Variants in LRMDA observed in about 807,000 individuals in gnomAD.
LRMDA encodes leucine-rich melanocyte differentiation-associated protein.
In LRMDA, 18 loss-of-function variants were observed where a neutral mutation model predicts 29.8. The ratio of observed to expected loss-of-function variants is 0.60; its 90% CI spans 0.42 to 0.90. The LOEUF (loss-of-function observed/expected upper bound fraction) is 0.90, where lower values mean the gene tolerates loss of function less well. Ranked by LOEUF, LRMDA falls within the 40% of genes least tolerant of loss-of-function variation. The pLI is 0.00. For synonymous variants in LRMDA, 125 were observed against 109.4 expected, an observed-to-expected ratio of 1.14 and a Z score of -0.89; for missense variants, 273 against 273.9, an observed-to-expected ratio of 1.00 and a Z score of 0.02.
chr10:75,991,582 G>A (rs1026186136), intron 2 of LRMDA, among the ~76,000 whole-genome samples: 1 of 152,200 alleles, frequency 6.6e-6, no homozygotes, highest in East Asian at 1.9e-4. Context: ...GCTATATAGT[G>A]GTGGCTTCTA....
chr10:76,474,265 A>G (rs928779143), intron 6 of LRMDA, among the ~76,000 whole-genome samples: 2 of 151,704 alleles, frequency 1.3e-5, no homozygotes, highest in Admixed American at 1.3e-4. Flanking sequence ...CACTAAAAGC[A>G]TAAAACTCTT....
chr10:75,908,115 T>A (rs1316487288), intron 2 of LRMDA, among the ~76,000 whole-genome samples: 2 of 152,194 alleles, frequency 1.3e-5, no homozygotes, highest in Non-Finnish European at 2.9e-5. Context: ...TAGCCTTTAT[T>A]GTAGGGTCCT....
chr10:76,532,549 G>T (rs1311886815), intron 6 of LRMDA, among the ~76,000 whole-genome samples: 1 of 152,202 alleles, frequency 6.6e-6, no homozygotes, highest in African/African-American at 2.4e-5. Context: ...GCAATCAAAT[G>T]CTTGACTGTG....
At chr10:76,457,799 T>C (rs544964577) in intron 6 of LRMDA, among the ~76,000 whole-genome samples, 3 of 152,318 alleles carry the variant, frequency 2.0e-5, no homozygotes, top group African/African-American at 7.2e-5. Flanking sequence ...GGAACCTAAC[T>C]CTGTATCTTC....
chr10:76,482,176 T>C (rs1842739034), intron 6 of LRMDA, among the ~76,000 whole-genome samples: 1 of 152,014 alleles, frequency 6.6e-6, no homozygotes, highest in Non-Finnish European at 1.5e-5. Flanking sequence ...CCACCCATTT[T>C]ATAGGTCATT....
At chr10:75,733,210 A>G (rs1842720013) in intron 2 of LRMDA, among the ~76,000 whole-genome samples, 2 of 152,204 alleles carry the variant, frequency 1.3e-5, no homozygotes, top group African/African-American at 2.4e-5. Flanking sequence ...CAAGTTTCCA[A>G]CATCAAAGAG....
intron 2 of LRMDA, among the ~76,000 whole-genome samples, chr10:75,454,894 T>C (rs1844498563): frequency 6.6e-6 from 1 of 152,238 alleles, no homozygotes; most frequent in African/African-American, 2.4e-5. Flanking sequence ...GCTCTGCCTC[T>C]GAGGAGCACT....
chr10:75,553,181 G>A (rs145637425), intron 2 of LRMDA, among the ~76,000 whole-genome samples: 5 of 152,216 alleles, frequency 3.3e-5, no homozygotes, highest in African/African-American at 1.2e-4. Context: ...TAGTATTTAT[G>A]CTTGGAAATG....
intron 2 of LRMDA, among the ~76,000 whole-genome samples, chr10:75,948,595 CAGATTAAAAAGACTAG>C (rs1481118858): frequency 6.6e-6 from 1 of 152,108 alleles, no homozygotes. Flanking sequence ...ATGTTGGCGA[CAGATTAAAAAGACTAG>C]TGTAAAGTCC....
At chr10:75,700,437 C>CTTT (rs1156446140) in intron 2 of LRMDA, among the ~76,000 whole-genome samples, 1 of 135,706 alleles carries the variant, frequency 7.4e-6, no homozygotes, top group African/African-American at 2.7e-5. Context: ...CTTTCTCATT[C>CTTT]TTTTTTTTTT....
intron 2 of LRMDA, among the ~76,000 whole-genome samples, chr10:75,664,109 A>G (rs538761329): frequency 1.3e-5 from 2 of 152,248 alleles, no homozygotes; most frequent in African/African-American, 4.8e-5. Flanking sequence ...TCCACTCTAG[A>G]AAATGTAGCT....
chr10:75,876,810 T>C (rs773368082), intron 2 of LRMDA, among the ~76,000 whole-genome samples: 3 of 152,192 alleles, frequency 2.0e-5, no homozygotes, highest in Non-Finnish European at 4.4e-5. Flanking sequence ...TCCTTAGTGT[T>C]TGGCATTTTG....
chr10:75,796,130 A>G (rs552929949), intron 2 of LRMDA, among the ~76,000 whole-genome samples: 3 of 152,244 alleles, frequency 2.0e-5, no homozygotes, highest in African/African-American at 7.2e-5. Flanking sequence ...AAGCTATTAC[A>G]TTGTCTAGAA....
rs755199368 is a variant in LRMDA at position 75,736,085 on chromosome 10, G to A, written c.131+297591G>A. ...CTCCTCGTTTAGTAAATGACGGCACGTGAAAGCAGAACATTTGGCACTTTG... is the reference window on the plus strand; with the variant it reads ...CTCCTCGTTTAGTAAATGACGGCACATGAAAGCAGAACATTTGGCACTTTG... On this transcript the variant is annotated intron_variant, in intron 2 of 6. Transcript: ENST00000611255. 3.4e-4 allele frequency among the ~76,000 whole-genome samples: 51 copies of A among 152,236 alleles called. 1 individual carries two copies. The highest frequency in any genetic ancestry group is 2.1e-4 in the South Asian group (1 of 4,810).
intron 5 of LRMDA, among the ~76,000 whole-genome samples, chr10:76,274,596 A>C (rs16933149): frequency 0.018 from 2,706 of 152,280 alleles, 40 homozygotes; most frequent in East Asian, 0.054. Context: ...TAGTTAGAAC[A>C]TAGTACCACT....
intron 2 of LRMDA, among the ~76,000 whole-genome samples, chr10:75,966,998 G>A (rs751389908): frequency 1.7e-4 from 26 of 152,366 alleles, no homozygotes; most frequent in South Asian, 1.0e-3. Context: ...GACAAAGCCA[G>A]TGAGTTGTTC....
chr10:76,551,902 C>T lies in LRMDA; in HGVS notation c.602-5307C>T, dbSNP rs372644719. 3.9e-5 allele frequency among the ~76,000 whole-genome samples: 6 copies of T among 152,150 alleles called. No individual in the cohort carries two copies. The East Asian group carries it at 7.7e-4, about 20-fold the overall frequency. ...TGCAGGGGTCAGGAGGTACCTAGTT[C>T]CTTCGTTTCTCATACAGATGAGAGA... On this transcript the variant is annotated intron_variant, in intron 6 of 6. Coordinates refer to ENST00000611255, the MANE Select transcript of LRMDA (RefSeq NM_001305581.2).
intron 2 of LRMDA, among the ~76,000 whole-genome samples, chr10:75,456,367 AC>A (rs1320610955): frequency 6.6e-6 from 1 of 152,148 alleles, no homozygotes; most frequent in African/African-American, 2.4e-5. Context: ...AAGGGGAGGA[AC>A]CAAAACTTGA....
intron 2 of LRMDA, among the ~76,000 whole-genome samples, chr10:75,502,705 G>A (rs1845127052): frequency 6.6e-6 from 1 of 152,156 alleles, no homozygotes; most frequent in Non-Finnish European, 1.5e-5. Context: ...GGCCTCCTGA[G>A]GCACTAGTGG....
Sources: allele counts gnomAD v4.1 joint callset (sites outside exome capture counted in the v4.1 genomes callset), GRCh38; gene constraint gnomAD v4.1.1; transcripts MANE v1.5; gene names NCBI Gene and HGNC (gene_info 2026-07-23, HGNC 2026-07-21).